The following NTN1 variants were observed in gnomAD, a reference collection of about 807,000 sequenced individuals.
NTN1 encodes the protein netrin 1.
In NTN1, 11 loss-of-function variants were observed where a neutral mutation model predicts 54.2. The ratio of observed to expected loss-of-function variants is 0.20; its 90% CI spans 0.13 to 0.34. The LOEUF (loss-of-function observed/expected upper bound fraction) is 0.34. Among genes scored for constraint, NTN1 ranks in the 10% least tolerant of loss-of-function variants. NTN1 has a pLI of 1.00. For missense variants in NTN1, 740 were observed against 893.1 expected, an observed-to-expected ratio of 0.83 and a Z score of 2.18; for synonymous variants, 371 against 382.0, an observed-to-expected ratio of 0.97 and a Z score of 0.33.
chr17:9,081,452 C>T (rs1020978910), intron 2 of NTN1, among the ~76,000 whole-genome samples: 4 of 152,144 alleles, frequency 2.6e-5, no homozygotes, highest in Admixed American at 2.6e-4. Flanking sequence ...TCCATTTGCA[C>T]CTGTTTCATT....
intron 2 of NTN1, among the ~76,000 whole-genome samples, chr17:9,075,326 C>CA (rs2092045783): frequency 6.6e-6 from 1 of 151,892 alleles, no homozygotes; most frequent in South Asian, 2.1e-4. Flanking sequence ...AGTAAAAATA[C>CA]AAAAAATTAG....
At chr17:9,202,604 G>A (rs1245388534) in intron 5 of NTN1, among the ~76,000 whole-genome samples, 2 of 152,178 alleles carry the variant, frequency 1.3e-5, no homozygotes, top group African/African-American at 4.8e-5. Flanking sequence ...TGTGGGTTGA[G>A]TGGTTCCCCA....
At chr17:9,053,545 ACTT>A (rs1244625181) in intron 2 of NTN1, among the ~76,000 whole-genome samples, 1 of 152,238 alleles carries the variant, frequency 6.6e-6, no homozygotes, top group Admixed American at 6.5e-5. Flanking sequence ...GAAAATGAGT[ACTT>A]CTCCCCTCCC....
intron 6 of NTN1, among the ~76,000 whole-genome samples, chr17:9,228,933 GGT>G (rs1283868907): frequency 5.4e-5 from 3 of 55,684 alleles, no homozygotes; most frequent in East Asian, 1.4e-3. Flanking sequence ...TGTGTGACTG[GGT>G]GTGTGGCTGT....
At chr17:9,228,966 G>T (rs116472789) in intron 6 of NTN1, among the ~76,000 whole-genome samples, 3,502 of 151,906 alleles carry the variant, frequency 0.023, 72 homozygotes, top group Non-Finnish European at 0.034. Context: ...GTGTGTGATT[G>T]TGTTTACGAC....
rs369934913 is a variant in NTN1, at chr17:9,182,986, G to T, written c.1411+17G>T. 1 of 1,613,450 alleles carries T rather than the reference G, an allele frequency of 6.2e-7. No homozygotes were observed. The highest frequency in any genetic ancestry group is 2.2e-5 in the East Asian group (1 of 44,860). On this transcript the variant is annotated intron_variant, in intron 5 of 6. Coordinates refer to ENST00000173229, the MANE Select transcript of NTN1 (RefSeq NM_004822.3). ...AGCCTGAAGGTAAACGGCCCCCTTC[G>T]CTTCTCATTTCCCGCTTTTGCTGGG... is the stretch of plus-strand genomic sequence containing the variant.
chr17:9,157,295 CTG>C (rs1395073107), intron 2 of NTN1, among the ~76,000 whole-genome samples: 1 of 152,220 alleles, frequency 6.6e-6, no homozygotes, highest in Admixed American at 6.5e-5. Flanking sequence ...CATTGTCCAT[CTG>C]TGTATCTCAC....
At chr17:9,155,647 G>A (rs577128496) in intron 2 of NTN1, among the ~76,000 whole-genome samples, 5 of 152,288 alleles carry the variant, frequency 3.3e-5, no homozygotes, top group Admixed American at 3.3e-4. Context: ...GGCGCTCCTG[G>A]AGCAGCTTTC....
intron 2 of NTN1, among the ~76,000 whole-genome samples, chr17:9,061,676 G>T (rs55879639): frequency 0.33 from 50,164 of 151,452 alleles, 8,999 homozygotes; most frequent in African/African-American, 0.48. Context: ...CAGTTTTTTT[G>T]TTGTTGTTGT....
At chr17:9,023,542 G>A in intron 2 of NTN1, 151 bp downstream of exon 2, 1 of 989,668 alleles carries the variant, frequency 1.0e-6, no homozygotes, top group Non-Finnish European at 1.3e-6. Flanking sequence ...GCTCAGAGCA[G>A]GTCCACTCGC....
Position 9,135,618 on chromosome 17 carries a change from G to A in NTN1, c.1019-27195G>A, listed in dbSNP as rs188710376. On this transcript the variant is annotated intron_variant, in intron 2 of 6. Transcript: ENST00000173229. This position sits in a 1 kb window ranked among gnomAD's most constrained non-coding sequence, Gnocchi z 4.4. ...TTGTCACGATGGCCCAGCACTGTTG[G>A]GTTCAGCTGGTGTGTGGAGCCTCTG... Among the ~76,000 whole-genome samples the A allele has an allele frequency of 2.2e-4, 34 of 152,316 alleles. No individual in the cohort carries two copies. Among genetic ancestry groups the A allele is most frequent in the Non-Finnish European group, 5.9e-5 (4 of 68,034 alleles).
At chr17:9,113,181 G>A (rs2092198552) in intron 2 of NTN1, among the ~76,000 whole-genome samples, 1 of 151,506 alleles carries the variant, frequency 6.6e-6, no homozygotes, top group Non-Finnish European at 1.5e-5. Flanking sequence ...CCGCCACCAC[G>A]CCTGGCTAAT....
At chr17:9,033,778 G>A (rs939532018) in intron 2 of NTN1, among the ~76,000 whole-genome samples, 14 of 152,072 alleles carry the variant, frequency 9.2e-5, no homozygotes, top group South Asian at 6.2e-4. Context: ...TTAGCCGGGC[G>A]TGGTGGCACG....
At chr17:9,046,720 G>A (rs188335339) in intron 2 of NTN1, among the ~76,000 whole-genome samples, 1 of 152,114 alleles carries the variant, frequency 6.6e-6, no homozygotes, top group African/African-American at 2.4e-5. Flanking sequence ...CCAGGAGGTC[G>A]AGTTACAGTA....
At chr17:9,138,513 G>A (rs1389791702) in intron 2 of NTN1, among the ~76,000 whole-genome samples, 9 of 152,268 alleles carry the variant, frequency 5.9e-5, no homozygotes, top group South Asian at 2.1e-4. Flanking sequence ...CCCACTCTCC[G>A]CACACTGTCA....
chr17:9,166,093 C>T (rs920740872), intron 3 of NTN1, among the ~76,000 whole-genome samples: 1 of 151,866 alleles, frequency 6.6e-6, no homozygotes, highest in Admixed American at 6.6e-5. Flanking sequence ...AGTTCAGATG[C>T]TGGCGGGATG....
At chr17:9,150,664 G>A (rs1379901171) in intron 2 of NTN1, among the ~76,000 whole-genome samples, 1 of 152,224 alleles carries the variant, frequency 6.6e-6, no homozygotes, top group Non-Finnish European at 1.5e-5. Context: ...CAGGAACCCT[G>A]AGTGATTCTT....
At chr17:9,114,760 A>G (rs140528243) in intron 2 of NTN1, among the ~76,000 whole-genome samples, 1 of 152,366 alleles carries the variant, frequency 6.6e-6, no homozygotes, top group African/African-American at 2.4e-5. Flanking sequence ...TCTCAAAAAA[A>G]TAATAACCAT....
intron 2 of NTN1, among the ~76,000 whole-genome samples, chr17:9,161,448 A>G (rs921301966): frequency 5.9e-5 from 9 of 152,114 alleles, no homozygotes. Context: ...AGTGCTTTCG[A>G]CTTGATCCTG....
Sources: allele counts gnomAD v4.1 joint callset (sites outside exome capture counted in the v4.1 genomes callset), GRCh38; gene constraint gnomAD v4.1.1; non-coding constraint Gnocchi (gnomAD v3.1); transcripts MANE v1.5; gene names NCBI Gene and HGNC (gene_info 2026-07-23, HGNC 2026-07-21).